The following KHDRBS3 variants were observed in gnomAD, a reference collection of about 807,000 sequenced individuals.
KHDRBS3 encodes KH domain-containing, RNA-binding, signal transduction-associated protein 3.
A neutral mutation model predicts 45.6 loss-of-function variants in KHDRBS3; 23 were observed. The observed-to-expected ratio is 0.50, with a 90% CI of 0.36 to 0.72. The LOEUF (loss-of-function observed/expected upper bound fraction) is 0.72. Among genes scored for constraint, KHDRBS3 ranks in the 30% least tolerant of loss-of-function variants. The pLI is 0.00. For synonymous variants in KHDRBS3, 162 were observed against 156.5 expected, an observed-to-expected ratio of 1.04 and a Z score of -0.26; for missense variants, 352 against 424.8, an observed-to-expected ratio of 0.83 and a Z score of 1.51.
chr8:135,625,216 C>G, intron 7 of KHDRBS3: 1 of 1,405,344 alleles, frequency 7.1e-7, no homozygotes, highest in Non-Finnish European at 1.0e-6. Context: ...CTGTGGGCCT[C>G]CTTCATCAGA....
intron 1 of KHDRBS3, among the ~76,000 whole-genome samples, chr8:135,467,491 A>G (rs1440301379): frequency 6.6e-6 from 1 of 152,220 alleles, no homozygotes; most frequent in African/African-American, 2.4e-5. Flanking sequence ...AGGCCTCTTT[A>G]GGGTTTCAGT....
chr8:135,542,708 C>A lies in KHDRBS3; in HGVS notation c.262C>A (p.Gln88Lys). 1.9e-6 allele frequency: 3 copies of A among 1,613,748 alleles called. No homozygotes were observed. The highest frequency in any genetic ancestry group is 1.7e-6 in the Non-Finnish European group (2 of 1,179,774). Residue 88 changes from glutamine (Q) to lysine (K), a missense_variant, in exon 3 of 9, where the codon CAA becomes AAA. This residue lies in a region of KHDRBS3 where 15 missense variants were observed against 30.2 expected (regional missense o/e 0.50). Coordinates refer to ENST00000355849, the MANE Select transcript of KHDRBS3 (RefSeq NM_006558.3). ...ACGTGGCAATTCTCTGAAGCGTTTA[C>A]AAGAAGAAACCTTGACAAAAATGTC... is the stretch of plus-strand genomic sequence containing the variant. ...GPRGNSLKRL[Q>K]EETLTKMSIL... is the part of the protein sequence containing the mutation.
chr8:135,614,475 T>C (rs1378707666), intron 7 of KHDRBS3, among the ~76,000 whole-genome samples: 1 of 151,870 alleles, frequency 6.6e-6, no homozygotes, highest in East Asian at 1.9e-4. Flanking sequence ...TTAGTCTATG[T>C]TTCTGAAAAA....
chr8:135,645,106 A>C lies in KHDRBS3; in HGVS notation c.938A>C (p.Tyr313Ser). The change falls in exon 8 of 9, where the codon TAT (tyrosine) becomes TCT (serine). Residue 313 changes from tyrosine (Y) to serine (S), a missense_variant. Tyr to Ser is a moderately radical substitution (Grantham distance 144, BLOSUM62 -2). Around this residue, in one of 6 missense-constraint regions of KHDRBS3, gnomAD observed 212 missense variants for 209.6 expected, o/e 1.01. Transcript: ENST00000355849. ...GGACATGGACTCAGTGAGGAGACTT[A>C]TGATTCCTACGGTGAGTGACTGGCC... ...DYGHGLSEET[Y>S]DSYGQEEWTN... The C allele has an allele frequency of 6.2e-7, 1 of 1,613,762 alleles. No individual in the cohort carries two copies. The highest frequency in any genetic ancestry group is 8.5e-7 in the Non-Finnish European group (1 of 1,179,886).
At chr8:135,517,242 A>C (rs1356615529) in intron 1 of KHDRBS3, among the ~76,000 whole-genome samples, 2 of 152,186 alleles carry the variant, frequency 1.3e-5, no homozygotes, top group Non-Finnish European at 2.9e-5. Flanking sequence ...TTGGTACCTT[A>C]AGCTGTTTGG....
chr8:135,596,349 T>C (rs1011071911), intron 6 of KHDRBS3, among the ~76,000 whole-genome samples: 3 of 152,144 alleles, frequency 2.0e-5, no homozygotes, highest in Non-Finnish European at 4.4e-5. Flanking sequence ...TTTTAAAAAA[T>C]GGGCCTTAAG....
chr8:135,536,966 CAAAAAAAAAAAAAA>C (rs869256475), intron 2 of KHDRBS3, among the ~76,000 whole-genome samples: 6 of 11,780 alleles, frequency 5.1e-4, no homozygotes, highest in Admixed American at 1.6e-3. Flanking sequence ...AACTCCATCT[CAAAAAAAAAAAAAA>C]AAAAAAAAAA....
At chr8:135,502,574 C>A (rs370743782) in intron 1 of KHDRBS3, among the ~76,000 whole-genome samples, 1 of 151,888 alleles carries the variant, frequency 6.6e-6, no homozygotes, top group Admixed American at 6.6e-5. Context: ...TGTGAGTATC[C>A]ACATGTAGTC....
chr8:135,553,815 T>G (rs1826737676), intron 4 of KHDRBS3, among the ~76,000 whole-genome samples: 1 of 152,190 alleles, frequency 6.6e-6, no homozygotes, highest in South Asian at 2.1e-4. Flanking sequence ...TTTAATGGCT[T>G]TTCTGCTCTT....
At position 135,635,122 on chromosome 8, in the gene KHDRBS3, T is replaced by A. The variant is rs534954750; in HGVS notation, c.891-9937T>A. Among the ~76,000 whole-genome samples, 860 of 152,312 alleles carry A rather than the reference T, an allele frequency of 5.6e-3. 3 individuals are homozygous for A. The highest frequency in any genetic ancestry group is 0.012 in the South Asian group (57 of 4,824). On this transcript the variant is annotated intron_variant, in intron 7 of 8. Coordinates refer to ENST00000355849, the MANE Select transcript of KHDRBS3 (RefSeq NM_006558.3). ...GAAATTAAAACAAACATTTAAAAAA[T>A]TTATCAATCATTAAATGTAACAGTC...
chr8:135,564,250 A>G (rs1045571076), intron 5 of KHDRBS3, among the ~76,000 whole-genome samples: 25 of 152,202 alleles, frequency 1.6e-4, no homozygotes, highest in African/African-American at 5.5e-4. Flanking sequence ...ATGCTGTGAT[A>G]AACAATAAAC....
chr8:135,554,210 G>A (rs2130818825), intron 4 of KHDRBS3, among the ~76,000 whole-genome samples: 1 of 152,198 alleles, frequency 6.6e-6, no homozygotes, highest in African/African-American at 2.4e-5. Context: ...GGACGTTATA[G>A]TTTTTGTGAT....
At chr8:135,573,936 C>A (rs577411071) in intron 5 of KHDRBS3, among the ~76,000 whole-genome samples, 1 of 152,060 alleles carries the variant, frequency 6.6e-6, no homozygotes. Flanking sequence ...TCTTTTTGCT[C>A]TTCTGTTACA....
intron 6 of KHDRBS3, among the ~76,000 whole-genome samples, chr8:135,585,868 A>G (rs1477612717): frequency 6.6e-6 from 1 of 152,184 alleles, no homozygotes; most frequent in Non-Finnish European, 1.5e-5. Flanking sequence ...ACTTGATAAC[A>G]TTGTTCAGAT....
intron 1 of KHDRBS3, among the ~76,000 whole-genome samples, chr8:135,512,331 T>C (rs549065908): frequency 6.6e-6 from 1 of 151,084 alleles, no homozygotes; most frequent in African/African-American, 2.4e-5. Flanking sequence ...TTTCTGAATG[T>C]TGAGCATCTT....
intron 1 of KHDRBS3, among the ~76,000 whole-genome samples, chr8:135,503,404 ACTC>A (rs1197409398): frequency 6.6e-6 from 1 of 152,060 alleles, no homozygotes; most frequent in Non-Finnish European, 1.5e-5. Context: ...AAAAGGCCTA[ACTC>A]TGTAGCCTTG....
At chr8:135,652,747 C>G (rs977032152) in intron 4 of KHDRBS3, among the ~76,000 whole-genome samples, 1 of 152,220 alleles carries the variant, frequency 6.6e-6, no homozygotes, top group Non-Finnish European at 1.5e-5. Flanking sequence ...ACTATGGACC[C>G]TCATCTTGCT....
At chr8:135,566,483 C>T (rs1827422176) in intron 5 of KHDRBS3, among the ~76,000 whole-genome samples, 2 of 152,016 alleles carry the variant, frequency 1.3e-5, no homozygotes, top group Non-Finnish European at 2.9e-5. Context: ...AAACTAGAAA[C>T]AGTAGAGGAT....
chr8:135,573,185 A>G (rs1827788962), intron 5 of KHDRBS3, among the ~76,000 whole-genome samples: 1 of 152,174 alleles, frequency 6.6e-6, no homozygotes, highest in South Asian at 2.1e-4. Flanking sequence ...TTCCCAGGTC[A>G]CCAAGTTAGC....
Sources: allele counts gnomAD v4.1 joint callset (sites outside exome capture counted in the v4.1 genomes callset), GRCh38; gene constraint gnomAD v4.1.1; regional missense constraint gnomAD v4.1.1; transcripts MANE v1.5; gene names NCBI Gene and HGNC (gene_info 2026-07-23, HGNC 2026-07-21).